Variants in INTS6L observed in about 807,000 individuals in gnomAD.
INTS6L encodes integrator complex subunit 6-like.
A neutral mutation model predicts 64.7 loss-of-function variants in INTS6L; 18 were observed. The ratio of observed to expected loss-of-function variants is 0.28; its 90% confidence interval spans 0.19 to 0.41. The LOEUF (loss-of-function observed/expected upper bound fraction) is 0.41, where lower values mean the gene tolerates loss of function less well. INTS6L is among the 10% of genes least tolerant of loss of function. The probability of loss-of-function intolerance (pLI) is 1.00; values close to 1 mark genes in which losing one functional copy is unlikely to be tolerated. For missense variants in INTS6L, 533 were observed against 661.0 expected (o/e 0.81, Z 2.12); for synonymous variants, 227 against 235.9 (o/e 0.96, Z 0.34).
rs1192201727 is a variant in INTS6L, at chrX:135,580,160, G to A, written c.2492G>A (p.Arg831Gln). The change falls in exon 16 of 18, where the codon CGA becomes CAA. Residue 831 changes from arginine to glutamine, a missense_variant and splice_region_variant. Arg to Gln is a conservative substitution (Grantham distance 43). Transcript: ENST00000639893. ...QLMKEVRKFG[R>Q]KYERIFILLE... The stretch of plus-strand genomic sequence containing the variant: ...ATGAAGGAAGTTCGAAAGTTTGGTC[G>A]AAGTAAGTAGTGAAAGAACATCTAT... 2.4e-5 allele frequency: 28 copies of A among 1,170,690 alleles called. No individual in the cohort carries two copies. The highest frequency in any genetic ancestry group is 3.0e-5 in the East Asian group (1 of 33,343).
In INTS6L at chrX:135,556,318, C is replaced by A; in HGVS notation, c.1192+18C>A. ...TCTTTTAGGTAAGTAAAACATGTGC[C>A]ACTGAATCATCTTTAAAATACAACA... On this transcript the variant is annotated intron_variant, in intron 9 of 17. Coordinates refer to ENST00000639893, the MANE Select transcript of INTS6L (RefSeq NM_001351601.3). 1 of 1,129,956 alleles carries A rather than the reference C, an allele frequency of 8.8e-7. No homozygotes were observed. The highest frequency in any genetic ancestry group is 1.2e-6 in the Non-Finnish European group (1 of 855,619). 93.1% of individuals were successfully genotyped at this position (1,129,956 alleles called of 1,213,427 possible).
intron 3 of INTS6L, 130 bp downstream of exon 3, chrX:135,545,702 T>C: frequency 1.5e-6 from 1 of 655,497 alleles, no homozygotes; most frequent in South Asian, 3.7e-5. Context: ...TATTACCTTT[T>C]AAATATATAC....
chrX:135,523,789 GCT>G (rs1556499343), intron 2 of INTS6L, among the ~76,000 whole-genome samples: 2 of 112,101 alleles, frequency 1.8e-5, no homozygotes, highest in African/African-American at 6.5e-5. Flanking sequence ...TCATCAGATA[GCT>G]CTTTTTATCC....
chrX:135,550,620 A>T (rs1602917351), intron 7 of INTS6L, among the ~76,000 whole-genome samples: 1 of 111,648 alleles, frequency 9.0e-6, no homozygotes. Context: ...AGTTCAGTTC[A>T]TCTATATTCT....
chrX:135,577,097 C>A, intron 14 of INTS6L, 96 bp from the exon 15 acceptor site: 2 of 781,030 alleles, frequency 2.6e-6, no homozygotes, highest in Non-Finnish European at 3.8e-6. Flanking sequence ...TGATATAATG[C>A]AAGATTGATT....
In INTS6L at chrX:135,564,145, T is replaced by C. The variant is rs183093879; in HGVS notation, c.1193-5192T>C. ...TGTTATTCAGATTGGGTAATTTACA[T>C]TGTTCTATTTTCCAGTTCATTGATT... On this transcript the variant is annotated intron_variant, in intron 9 of 17. Transcript: ENST00000639893. Among the ~76,000 whole-genome samples, 266 of 111,673 alleles carry C rather than the reference T, an allele frequency of 2.4e-3. 6 individuals are homozygous for C. Among genetic ancestry groups the C allele is most frequent in the Admixed American group, 0.023 (238 of 10,543 alleles).
chrX:135,570,394 A>G, intron 10 of INTS6L, 42 bp from the exon 11 acceptor site: 1 of 1,098,625 alleles, frequency 9.1e-7, no homozygotes, highest in Non-Finnish European at 1.2e-6. Flanking sequence ...GTATTTTAAG[A>G]TTTATTCTAT....
At chrX:135,545,892 T>G (rs1165084258) in intron 3 of INTS6L, among the ~76,000 whole-genome samples, 4 of 111,323 alleles carry the variant, frequency 3.6e-5, no homozygotes, top group African/African-American at 9.8e-5. Flanking sequence ...CCCTCCCAAT[T>G]TGATGAAAAA....
intron 17 of INTS6L, 49 bp from the exon 18 acceptor site, chrX:135,581,479 T>C: frequency 1.0e-6 from 1 of 957,110 alleles, no homozygotes; most frequent in Non-Finnish European, 1.5e-6. Context: ...TTGAACATCA[T>C]GAGTACTTTA....
rs1556534711 is a variant in INTS6L at position 135,581,673 on chromosome X, G to A, written c.*37G>A. On this transcript the variant is annotated 3_prime_UTR_variant, in exon 18 of 18. Transcript: ENST00000639893. ...GTGAGAAAAAAATGACAAGTTTTCT[G>A]TGCTGTAGGATGGAACAGGATATTG... 1.0e-5 allele frequency: 11 copies of A among 1,103,586 alleles called. No individual in the cohort carries two copies. In the South Asian group the frequency reaches 1.9e-4, roughly 19 times the overall value. 90.9% of individuals were successfully genotyped at this position (1,103,586 alleles called of 1,213,427 possible). A position where few individuals can be genotyped will look rare whatever the true frequency, so the allele number is the denominator to read the frequency against.
intron 9 of INTS6L, among the ~76,000 whole-genome samples, chrX:135,559,253 A>G: frequency 8.9e-6 from 1 of 111,779 alleles, no homozygotes; most frequent in Non-Finnish European, 1.9e-5. Flanking sequence ...CACCACAAAG[A>G]TCCCTTATGA....
In INTS6L at chrX:135,528,873, C is replaced by CG. The variant is rs202219423; in HGVS notation, c.189+7555_189+7556insG. On this transcript the variant is annotated intron_variant, in intron 2 of 17. Coordinates refer to ENST00000639893, the MANE Select transcript of INTS6L (RefSeq NM_001351601.3). ...GTTCCGTTTAAAATGAACACCCCCC[C>CG]CCCCGACCCACCGCAATAAAAGACT... Among the ~76,000 whole-genome samples the CG allele has an allele frequency of 2.7e-4, 21 of 78,164 alleles. 1 individual carries two copies. The South Asian group carries it at 0.016, about 61-fold the overall frequency. The allele number at this position is 78,164 out of a possible 115,157, so 67.9% of individuals were successfully genotyped here. A position where few individuals can be genotyped will look rare whatever the true frequency, so the allele number is the denominator to read the frequency against.
At chrX:135,577,093 A>T in intron 14 of INTS6L, 100 bp from the exon 15 acceptor site, 1 of 744,587 alleles carries the variant, frequency 1.3e-6, no homozygotes, top group Non-Finnish European at 2.0e-6. Flanking sequence ...TTCGTGATAT[A>T]ATGCAAGATT....
chrX:135,521,914 C>A (rs1467852609), intron 2 of INTS6L, among the ~76,000 whole-genome samples: 1 of 109,671 alleles, frequency 9.1e-6, no homozygotes, highest in Non-Finnish European at 1.9e-5. Context: ...CCTTCTCCCC[C>A]TCTTCCTCCT....
chrX:135,539,406 T>C (rs782010065), intron 2 of INTS6L, among the ~76,000 whole-genome samples: 88 of 112,122 alleles, frequency 7.8e-4, no homozygotes, highest in African/African-American at 2.5e-3. Flanking sequence ...ATTCATTCCA[T>C]CAACTCTAGG....
chrX:135,554,630 T>A (rs1378955146), intron 8 of INTS6L, among the ~76,000 whole-genome samples: 1 of 110,946 alleles, frequency 9.0e-6, no homozygotes, highest in Admixed American at 9.6e-5. Flanking sequence ...TTGTTGTAAA[T>A]GATTCTGCCG....
At chrX:135,547,037 G>C (rs1488538533) in intron 5 of INTS6L, 100 bp from the exon 6 acceptor site, 1 of 1,130,497 alleles carries the variant, frequency 8.8e-7, no homozygotes, top group Non-Finnish European at 1.2e-6. Context: ...TGCCAATGTA[G>C]TTATGATTAT....
chrX:135,539,901 G>A (rs1421051977), intron 2 of INTS6L, among the ~76,000 whole-genome samples: 1 of 111,174 alleles, frequency 9.0e-6, no homozygotes, highest in Non-Finnish European at 1.9e-5. Context: ...ATGGTTCATG[G>A]TGCCCCAAAA....
In INTS6L at chrX:135,556,206, A is replaced by G; in HGVS notation, c.1098A>G (p.Gly366=). 2 of 1,200,647 alleles carry G rather than the reference A, an allele frequency of 1.7e-6. No individual in the cohort carries two copies. The highest frequency in any genetic ancestry group is 2.2e-6 in the Non-Finnish European group (2 of 890,898). ...GCAGTGGAAAGTACAATGAACTTGG[A>G]TATCCATTTGGTTATTTAAAAGCCA... ...VTSSGKYNEL[G]YPFGYLKAST... The change falls in exon 9 of 18, where the codon GGA becomes GGG. Residue 366 remains glycine (G), a synonymous_variant. Transcript: ENST00000639893.
Sources: allele counts gnomAD v4.1 joint callset (sites outside exome capture counted in the v4.1 genomes callset), GRCh38; gene constraint gnomAD v4.1.1; transcripts MANE v1.5; gene names NCBI Gene and HGNC (gene_info 2026-07-23, HGNC 2026-07-21).